PCID2: variants seen among roughly 807,000 people sequenced by gnomAD.
PCID2 encodes PCI domain-containing protein 2.
A neutral mutation model predicts 61.3 loss-of-function variants in PCID2; 41 were observed. That is an observed-to-expected ratio of 0.67 (90% CI 0.52 to 0.87). The LOEUF (loss-of-function observed/expected upper bound fraction) is 0.87. PCID2 is among the 40% of genes least tolerant of loss of function. The pLI is 0.00. For missense variants in PCID2, 392 were observed against 493.4 expected (o/e 0.79, Z 1.95); for synonymous variants, 187 against 177.8 (o/e 1.05, Z -0.41).
chr13:113,198,661 T>C (rs1379597114), intron 2 of PCID2, among the ~76,000 whole-genome samples: 1 of 152,158 alleles, frequency 6.6e-6, no homozygotes, highest in Non-Finnish European at 1.5e-5. Flanking sequence ...GCCAAGATCG[T>C]GCCACTGCAC....
At chr13:113,204,831 G>C (rs984709171) in intron 1 of PCID2, among the ~76,000 whole-genome samples, 4 of 152,196 alleles carry the variant, frequency 2.6e-5, no homozygotes, top group Non-Finnish European at 5.9e-5. Flanking sequence ...ACCCCTAGCA[G>C]CCCAGCCACC....
intron 9 of PCID2, among the ~76,000 whole-genome samples, chr13:113,181,537 A>C (rs2037636852): frequency 6.6e-6 from 1 of 152,236 alleles, no homozygotes; most frequent in Non-Finnish European, 1.5e-5. Context: ...TAACATTTTA[A>C]AAGTCTGACC....
chr13:113,196,344 C>T lies in PCID2; in HGVS notation c.267-122G>A, dbSNP rs2039014312. 7.2e-6 allele frequency: 5 copies of T among 690,850 alleles called. No individual in the cohort carries two copies. The East Asian group carries it at 1.3e-4, about 17-fold the overall frequency. The allele number at this position is 690,850 out of a possible 1,614,324, so 42.8% of individuals were successfully genotyped here. Reference sequence around the variant, plus strand: ...ACCCTTGAGCAGATTTATGTTGCAACAATAGTAAGTTCTTGAAGGAAAAAA... The same window carrying T: ...ACCCTTGAGCAGATTTATGTTGCAATAATAGTAAGTTCTTGAAGGAAAAAA... On this transcript the variant is annotated intron_variant, in intron 4 of 13. Transcript: ENST00000337344.
In PCID2 at chr13:113,179,104, G is replaced by T; in HGVS notation, c.987-15C>A. The T allele has an allele frequency of 1.2e-6, 2 of 1,611,614 alleles. No homozygotes were observed. The highest frequency in any genetic ancestry group is 2.2e-5 in the South Asian group (2 of 90,598). ...GTAACAAATACCTGGAAGAGGGGAG[G>T]AGAAGGGCACTGTGGTTACCGACAG... On this transcript the variant is annotated splice_polypyrimidine_tract_variant and intron_variant, in intron 12 of 13. Transcript: ENST00000337344. This position sits in a 1 kb window ranked among gnomAD's most constrained non-coding sequence, Gnocchi z 4.3.
chr13:113,174,673 T>C (rs2037162246), downstream of PCID2, among the ~76,000 whole-genome samples: 1 of 152,092 alleles, frequency 6.6e-6, no homozygotes, highest in African/African-American at 2.4e-5. Flanking sequence ...TCTGCAGAGA[T>C]GGATTTTGCC....
chr13:113,171,741 T>C, the PCID2 span: 1 of 1,612,174 alleles, frequency 6.2e-7, no homozygotes, highest in Non-Finnish European at 8.5e-7. This position sits in a 1 kb window ranked among gnomAD's most constrained non-coding sequence, Gnocchi z 5.1. Context: ...GGGCTCCCCG[T>C]GTGCACCCCT....
intron 13 of PCID2, chr13:113,178,510 G>GA (rs933091455): frequency 3.6e-5 from 17 of 470,082 alleles, no homozygotes; most frequent in Admixed American, 1.1e-4. Context: ...AATATTTGGG[G>GA]AAAAAAAATG....
downstream of PCID2, among the ~76,000 whole-genome samples, chr13:113,176,528 G>A (rs1259500784): frequency 2.0e-5 from 3 of 152,264 alleles, no homozygotes; most frequent in Admixed American, 6.5e-5. Flanking sequence ...TTGGGAGGCC[G>A]AGGTGGGGGA....
At chr13:113,203,175 T>C (rs1469755728) in intron 1 of PCID2, among the ~76,000 whole-genome samples, 2 of 152,222 alleles carry the variant, frequency 1.3e-5, no homozygotes, top group Non-Finnish European at 1.5e-5. Flanking sequence ...GGATTTGGGT[T>C]GGAGGTGTAA....
chr13:113,172,004 AC>A, the PCID2 span: 1 of 1,613,220 alleles, frequency 6.2e-7, no homozygotes, highest in South Asian at 1.1e-5. Flanking sequence ...CTGGTTTCTC[AC>A]GGGGGTCCTG....
chr13:113,168,316 G>C, the PCID2 span, among the ~76,000 whole-genome samples: 1 of 152,142 alleles, frequency 6.6e-6, no homozygotes, highest in Admixed American at 6.5e-5. Flanking sequence ...CCTGCCTAAA[G>C]GGCCCCTTTG....
intron 8 of PCID2, 35 bp from the exon 9 acceptor site, chr13:113,184,522 A>G: frequency 2.3e-6 from 3 of 1,302,912 alleles, no homozygotes; most frequent in Non-Finnish European, 3.3e-6. Flanking sequence ...AAATATTTAA[A>G]AACAACAAAA....
chr13:113,185,182 A>C (rs1040056044), intron 8 of PCID2, among the ~76,000 whole-genome samples: 2 of 152,216 alleles, frequency 1.3e-5, no homozygotes, highest in African/African-American at 4.8e-5. Context: ...AACCGCCTGC[A>C]CTGAAAGCCC....
intron 5 of PCID2, among the ~76,000 whole-genome samples, chr13:113,195,498 TACACAAAATG>T (rs1566969645): frequency 1.3e-5 from 2 of 152,142 alleles, no homozygotes; most frequent in South Asian, 4.1e-4. Flanking sequence ...GAATATGTAA[TACACAAAATG>T]TCACAAAACA....
In PCID2 at chr13:113,178,182, G is replaced by A. The variant is rs556710876; in HGVS notation, c.*16C>T. The A allele has an allele frequency of 2.1e-5, 34 of 1,600,386 alleles. No homozygotes were observed. The South Asian group carries it at 3.0e-4, about 14-fold the overall frequency. ...AAGAAACAACTGCTCACCCGTCCTC[G>A]GGGCTCCGTGTACTTTCAACACACC... is the stretch of plus-strand genomic sequence containing the variant. On this transcript the variant is annotated 3_prime_UTR_variant, in exon 14 of 14. Coordinates refer to ENST00000337344, the MANE Select transcript of PCID2 (RefSeq NM_001127202.4).
At chr13:113,202,362 C>T (rs2039494715) in intron 1 of PCID2, among the ~76,000 whole-genome samples, 1 of 152,226 alleles carries the variant, frequency 6.6e-6, no homozygotes, top group Non-Finnish European at 1.5e-5. Flanking sequence ...TACAACTACA[C>T]ATGCATTTAC....
chr13:113,203,196 AACTTT>A (rs2039560098), intron 1 of PCID2, among the ~76,000 whole-genome samples: 5 of 152,356 alleles, frequency 3.3e-5, no homozygotes, highest in South Asian at 4.1e-4. Flanking sequence ...GCAGGAACTT[AACTTT>A]ATCTTCAGCT....
intron 4 of PCID2, 29 bp from the exon 5 acceptor site, chr13:113,196,251 A>C (rs200350059): frequency 5.0e-4 from 770 of 1,540,512 alleles, no homozygotes; most frequent in Non-Finnish European, 6.3e-4. Flanking sequence ...TATGGCATAC[A>C]AAGTTCAAAT....
chr13:113,174,225 G>A (rs527433123), downstream of PCID2, among the ~76,000 whole-genome samples: 7 of 149,344 alleles, frequency 4.7e-5, no homozygotes, highest in South Asian at 2.1e-4. Flanking sequence ...GCAACAGAGC[G>A]AGACTCCATC....
Sources: allele counts gnomAD v4.1 joint callset (sites outside exome capture counted in the v4.1 genomes callset), GRCh38; gene constraint gnomAD v4.1.1; non-coding constraint Gnocchi (gnomAD v3.1); transcripts MANE v1.5; gene names NCBI Gene and HGNC (gene_info 2026-07-23, HGNC 2026-07-21).